Variants in PCDH15 observed in about 807,000 individuals in gnomAD.
PCDH15 encodes protocadherin-15.
In PCDH15, 129 loss-of-function variants were observed where a neutral mutation model predicts 178.5. The ratio of observed to expected loss-of-function variants is 0.72; its 90% CI spans 0.63 to 0.84. The LOEUF (loss-of-function observed/expected upper bound fraction) is 0.84, where lower values mean the gene tolerates loss of function less well. PCDH15 is among the 40% of genes least tolerant of loss of function. PCDH15 has a pLI of 0.00. For synonymous variants in PCDH15, 800 were observed against 732.0 expected, an observed-to-expected ratio of 1.09 and a Z score of -1.50; for missense variants, 2,230 against 2,099.9, an observed-to-expected ratio of 1.06 and a Z score of -1.21.
At chr10:54,418,988 C>A (rs112137770) in intron 3 of PCDH15, among the ~76,000 whole-genome samples, 1 of 151,658 alleles carries the variant, frequency 6.6e-6, no homozygotes, top group African/African-American at 2.4e-5. Flanking sequence ...ACATAAAAAC[C>A]AATATTAAAA....
chr10:53,933,367 T>A (rs952324010), intron 25 of PCDH15, among the ~76,000 whole-genome samples: 2 of 149,872 alleles, frequency 1.3e-5, no homozygotes, highest in Admixed American at 6.7e-5. Context: ...ATGTTCCCCT[T>A]CTGTGTCCAT....
intron 2 of PCDH15, among the ~76,000 whole-genome samples, chr10:54,661,940 C>T (rs2094499073): frequency 6.6e-6 from 1 of 151,902 alleles, no homozygotes; most frequent in South Asian, 2.1e-4. Flanking sequence ...AGACCTAAAA[C>T]TATAGAGATC....
At chr10:55,159,700 A>G (rs921531315) in intron 2 of PCDH15, among the ~76,000 whole-genome samples, 2 of 147,848 alleles carry the variant, frequency 1.4e-5, no homozygotes, top group African/African-American at 2.5e-5. Context: ...TTCTTAAGAT[A>G]TATCTATATT....
chr10:54,398,108 A>G lies in PCDH15; in HGVS notation c.158-19166T>C, dbSNP rs184234166. On this transcript the variant is annotated intron_variant, in intron 3 of 37. Coordinates refer to ENST00000644397, the MANE Select transcript of PCDH15 (RefSeq NM_001384140.1). ...ATGGTAAGGTTTTTAAAGTAACTATATGACTATCAGACTTATTTCCATGTA... is the reference window on the plus strand; with the variant it reads ...ATGGTAAGGTTTTTAAAGTAACTATGTGACTATCAGACTTATTTCCATGTA... 5.1e-4 allele frequency among the ~76,000 whole-genome samples: 78 copies of G among 152,110 alleles called. 1 individual carries two copies. In the East Asian group the frequency reaches 0.013, roughly 25 times the overall value.
intron 2 of PCDH15, among the ~76,000 whole-genome samples, chr10:54,621,237 A>C (rs972235804): frequency 2.0e-5 from 3 of 152,002 alleles, no homozygotes; most frequent in Non-Finnish European, 2.9e-5. Flanking sequence ...GTAAATGAAC[A>C]TATATTGATT....
At chr10:54,402,935 A>C (rs9943342) in intron 3 of PCDH15, among the ~76,000 whole-genome samples, 39,251 of 151,798 alleles carry the variant, frequency 0.26, 6,231 homozygotes, top group East Asian at 0.82. Flanking sequence ...TAAATCAAAA[A>C]CTAGAAATTA....
chr10:54,009,376 G>A (rs545711668), intron 20 of PCDH15, among the ~76,000 whole-genome samples: 3 of 151,832 alleles, frequency 2.0e-5, no homozygotes, highest in East Asian at 2.0e-4. Flanking sequence ...TAGGGTGTCC[G>A]AGGATGGAAG....
chr10:53,963,932 A>C (rs191980051), intron 21 of PCDH15, among the ~76,000 whole-genome samples: 83 of 152,274 alleles, frequency 5.5e-4, no homozygotes, highest in East Asian at 3.1e-3. Flanking sequence ...ATCACACACA[A>C]AAAAAATAAA....
chr10:55,144,599 GC>G (rs1173596573), intron 2 of PCDH15, among the ~76,000 whole-genome samples: 1 of 152,048 alleles, frequency 6.6e-6, no homozygotes, highest in East Asian at 1.9e-4. Context: ...TAGACCCAGA[GC>G]AGGTTTTAGG....
chr10:54,531,187 A>C (rs2132729710), intron 2 of PCDH15, among the ~76,000 whole-genome samples: 1 of 152,220 alleles, frequency 6.6e-6, no homozygotes, highest in South Asian at 2.1e-4. Context: ...AATCTATTTA[A>C]TTTCACCCTT....
chr10:54,742,601 G>A lies in PCDH15; in HGVS notation c.-29+58324C>T, dbSNP rs74383587. ...CCTGAAGAGACAATAGATTTCCACT[G>A]ATGACGTAGAGTGACACATCCTGAG... On this transcript the variant is annotated intron_variant, in intron 1 of 37. Transcript: ENST00000644397. Among the ~76,000 whole-genome samples the A allele has an allele frequency of 4.4e-3, 664 of 152,108 alleles. 12 individuals are homozygous for A. Among genetic ancestry groups the A allele is most frequent in the East Asian group, 0.03 (156 of 5,162 alleles).
intron 9 of PCDH15, among the ~76,000 whole-genome samples, chr10:54,234,173 T>C (rs1477956085): frequency 6.6e-6 from 1 of 150,490 alleles, no homozygotes. Context: ...TGTGTGTGTG[T>C]GTGCTGTGTC....
chr10:55,313,808 A>G (rs2132291592), intron 1 of PCDH15, among the ~76,000 whole-genome samples: 1 of 152,272 alleles, frequency 6.6e-6, no homozygotes. Flanking sequence ...TGCTGGACCA[A>G]TTATGTTGAA....
intron 15 of PCDH15, among the ~76,000 whole-genome samples, chr10:54,116,755 A>G (rs1590574732): frequency 6.6e-6 from 1 of 152,246 alleles, no homozygotes; most frequent in South Asian, 2.1e-4. Flanking sequence ...ATGATGAGAC[A>G]TTAAATACTG....
At chr10:54,207,821 G>A (rs1014785709) in intron 10 of PCDH15, among the ~76,000 whole-genome samples, 1 of 151,946 alleles carries the variant, frequency 6.6e-6, no homozygotes, top group African/African-American at 2.4e-5. Context: ...TACACTTAAG[G>A]TAAAACAGAT....
chr10:54,132,269 A>G (rs1214471467), intron 15 of PCDH15, among the ~76,000 whole-genome samples: 1 of 152,228 alleles, frequency 6.6e-6, no homozygotes, highest in Non-Finnish European at 1.5e-5. Context: ...GGTCAGAAAT[A>G]TATAAACAGT....
intron 2 of PCDH15, among the ~76,000 whole-genome samples, chr10:54,586,320 T>C (rs1439502843): frequency 6.6e-6 from 1 of 152,180 alleles, no homozygotes; most frequent in Non-Finnish European, 1.5e-5. Context: ...ACCTACTATG[T>C]TCCAGGCCTT....
At chr10:54,837,726 G>C (rs888093917) in intron 3 of PCDH15, among the ~76,000 whole-genome samples, 1 of 152,066 alleles carries the variant, frequency 6.6e-6, no homozygotes, top group Non-Finnish European at 1.5e-5. Flanking sequence ...CAATAATTCG[G>C]CAGCCATTCA....
At chr10:55,079,543 C>T (rs1841987061) in intron 2 of PCDH15, among the ~76,000 whole-genome samples, 1 of 152,106 alleles carries the variant, frequency 6.6e-6, no homozygotes, top group Non-Finnish European at 1.5e-5. Flanking sequence ...ATTGATACCA[C>T]CATTAGGTGG....
Sources: gnomAD v4.1 joint callset for allele counts (sites outside exome capture counted in the v4.1 genomes callset) on GRCh38, gnomAD v4.1.1 for gene constraint, MANE v1.5 for transcripts, NCBI Gene and HGNC (gene_info 2026-07-23, HGNC 2026-07-21) for gene names.